NKAIN2: variants seen among roughly 807,000 people sequenced by gnomAD.
NKAIN2 encodes sodium/potassium-transporting ATPase subunit beta-1-interacting protein 2.
NKAIN2 carries 14 observed loss-of-function variants against 32.6 expected under a neutral mutation model. The ratio of observed to expected loss-of-function variants is 0.43; its 90% CI spans 0.28 to 0.67. The LOEUF (loss-of-function observed/expected upper bound fraction) is 0.67. NKAIN2 is among the 30% of genes least tolerant of loss of function. The pLI, the probability that NKAIN2 is intolerant of heterozygous loss-of-function variation, is 0.17. For synonymous variants in NKAIN2, 80 were observed against 87.2 expected (o/e 0.92, Z 0.46); for missense variants, 198 against 258.3 (o/e 0.77, Z 1.60).
At position 123,804,017 on chromosome 6, in the gene NKAIN2, G is replaced by T; in HGVS notation, c.-184G>T. ...GGGCGCGGCTGGAGCTGCCGCCGCC[G>T]CCGCCGCCGCGCCAGCAGGTCCTAA... On this transcript the variant is annotated 5_prime_UTR_variant, in exon 1 of 7. Coordinates refer to ENST00000368417, the MANE Select transcript of NKAIN2 (RefSeq NM_001040214.3). 1.6e-6 allele frequency: 1 copy of T among 617,262 alleles called. No individual in the cohort carries two copies. The highest frequency in any genetic ancestry group is 2.9e-6 in the Non-Finnish European group (1 of 347,472). The allele number at this position is 617,262 out of a possible 1,614,324, so 38.2% of individuals were successfully genotyped here. A position where few individuals can be genotyped will look rare whatever the true frequency, so the allele number is the denominator to read the frequency against.
intron 3 of NKAIN2, chr6:124,390,857 T>G (rs970527144): frequency 5.3e-5 from 8 of 152,046 alleles, no homozygotes; most frequent in South Asian, 2.1e-4. Flanking sequence ...GCCCTGCATC[T>G]ATTCCTGTAG....
chr6:123,897,336 C>T (rs1222966265), intron 1 of NKAIN2, among the ~76,000 whole-genome samples: 2 of 152,094 alleles, frequency 1.3e-5, no homozygotes, highest in Non-Finnish European at 2.9e-5. Context: ...TTATGGCTCC[C>T]TGGACACACC....
chr6:124,131,173 C>G (rs143212437), intron 1 of NKAIN2, among the ~76,000 whole-genome samples: 2 of 152,276 alleles, frequency 1.3e-5, no homozygotes, highest in African/African-American at 2.4e-5. Flanking sequence ...TTGATACAGT[C>G]TTCCTCTGTC....
chr6:124,137,294 C>G (rs1472360043), intron 1 of NKAIN2, among the ~76,000 whole-genome samples: 1 of 151,856 alleles, frequency 6.6e-6, no homozygotes, highest in Non-Finnish European at 1.5e-5. Context: ...TAGAAATATA[C>G]TTAACCAAGA....
intron 2 of NKAIN2, among the ~76,000 whole-genome samples, chr6:124,298,617 C>A (rs949994696): frequency 6.6e-6 from 1 of 152,146 alleles, no homozygotes; most frequent in Non-Finnish European, 1.5e-5. Flanking sequence ...TAATGCCACA[C>A]ACATTCATCT....
chr6:124,145,461 C>A (rs1787352637), intron 1 of NKAIN2, among the ~76,000 whole-genome samples: 1 of 152,034 alleles, frequency 6.6e-6, no homozygotes, highest in South Asian at 2.1e-4. Flanking sequence ...AACCTGGATG[C>A]ATCTCCAGGG....
intron 3 of NKAIN2, among the ~76,000 whole-genome samples, chr6:124,404,713 C>A (rs1773771679): frequency 6.6e-6 from 1 of 151,858 alleles, no homozygotes; most frequent in African/African-American, 2.4e-5. Flanking sequence ...TTTAAAGTTA[C>A]AAACTATGCA....
chr6:124,374,057 G>C (rs11154233), intron 3 of NKAIN2, among the ~76,000 whole-genome samples: 22,615 of 152,090 alleles, frequency 0.15, 2,142 homozygotes, highest in Admixed American at 0.26. Flanking sequence ...AACTGATGGA[G>C]TGGGAGCAAA....
intron 3 of NKAIN2, among the ~76,000 whole-genome samples, chr6:124,505,283 A>G (rs546176506): frequency 6.6e-6 from 1 of 152,294 alleles, no homozygotes; most frequent in Non-Finnish European, 1.5e-5. Flanking sequence ...ACTCTCCTTT[A>G]TATCACTTTC....
At chr6:124,326,656 C>T (rs1162827202) in intron 2 of NKAIN2, among the ~76,000 whole-genome samples, 1 of 152,190 alleles carries the variant, frequency 6.6e-6, no homozygotes, top group Non-Finnish European at 1.5e-5. Flanking sequence ...TTACTTCTAG[C>T]AGTGTTCCTT....
At chr6:123,845,229 C>G (rs1405500145) in intron 1 of NKAIN2, among the ~76,000 whole-genome samples, 1 of 152,112 alleles carries the variant, frequency 6.6e-6, no homozygotes, top group Non-Finnish European at 1.5e-5. Flanking sequence ...GTGATATCTT[C>G]TATGGCAAAG....
At chr6:124,740,314 A>G (rs1404380026) in intron 4 of NKAIN2, among the ~76,000 whole-genome samples, 2 of 151,772 alleles carry the variant, frequency 1.3e-5, no homozygotes, top group Non-Finnish European at 2.9e-5. Context: ...ATATTTACTG[A>G]GCGCCTACTA....
chr6:123,841,360 G>T (rs547516390), intron 1 of NKAIN2, among the ~76,000 whole-genome samples: 2 of 152,124 alleles, frequency 1.3e-5, no homozygotes, highest in Non-Finnish European at 2.9e-5. Flanking sequence ...TGTTACAATC[G>T]TGAGATGTCA....
chr6:124,791,394 A>T lies in NKAIN2; in HGVS notation c.530A>T (p.Asp177Val). The T allele has an allele frequency of 6.2e-7, 1 of 1,602,644 alleles. No homozygotes were observed. Among genetic ancestry groups the T allele is most frequent in the Non-Finnish European group, 8.5e-7 (1 of 1,170,744 alleles). The change falls in exon 5 of 7, where the codon GAC becomes GTC. Residue 177 changes from aspartate to valine, a missense_variant. Asp to Val is a radical substitution (Grantham distance 152, BLOSUM62 -3). Transcript: ENST00000368417. Reference protein sequence around the residue: ...YVVKCITEEEDSFDFIGGFDS... With the variant: ...YVVKCITEEEVSFDFIGGFDS... The stretch of plus-strand genomic sequence containing the variant: ...GTGAAATGTATAACTGAAGAAGAGG[A>T]CAGCTGTAAGTATTAAAGCTCTATT...
At chr6:124,092,496 TTTTTCTGTAATTC>T (rs1390241713) in intron 1 of NKAIN2, among the ~76,000 whole-genome samples, 1 of 152,082 alleles carries the variant, frequency 6.6e-6, no homozygotes, top group Non-Finnish European at 1.5e-5. Context: ...TTAAAAACTT[TTTTTCTGTAATTC>T]TTTCCTTTGT....
At chr6:124,199,905 G>A (rs1582835596) in intron 1 of NKAIN2, among the ~76,000 whole-genome samples, 2 of 152,104 alleles carry the variant, frequency 1.3e-5, no homozygotes, top group Non-Finnish European at 2.9e-5. Flanking sequence ...ATATATCATC[G>A]AGAAAAAGTA....
At chr6:124,341,804 G>T (rs569833063) in intron 2 of NKAIN2, among the ~76,000 whole-genome samples, 1 of 152,260 alleles carries the variant, frequency 6.6e-6, no homozygotes, top group East Asian at 1.9e-4. Flanking sequence ...TAAGGGACAG[G>T]TTTATATAGG....
chr6:124,227,597 A>G (rs961636991), intron 1 of NKAIN2, among the ~76,000 whole-genome samples: 1 of 152,198 alleles, frequency 6.6e-6, no homozygotes, highest in African/African-American at 2.4e-5. Flanking sequence ...TCTAATAAAT[A>G]AGCATAAACC....
intron 1 of NKAIN2, among the ~76,000 whole-genome samples, chr6:123,894,085 A>G (rs1365722228): frequency 1.3e-5 from 2 of 152,156 alleles, no homozygotes; most frequent in East Asian, 3.8e-4. Context: ...ATGTGTTTAA[A>G]TGTAGACATA....
Sources: allele counts gnomAD v4.1 joint callset (sites outside exome capture counted in the v4.1 genomes callset), GRCh38; gene constraint gnomAD v4.1.1; transcripts MANE v1.5; gene names NCBI Gene and HGNC (gene_info 2026-07-23, HGNC 2026-07-21).